Variants in KDELR2 observed in about 807,000 individuals in gnomAD.
KDELR2 encodes the protein KDEL endoplasmic reticulum protein retention receptor 2.
KDELR2 carries 15 observed loss-of-function variants against 23.9 expected under a neutral mutation model. The observed-to-expected ratio is 0.63, with a 90% CI of 0.42 to 0.97. The LOEUF (loss-of-function observed/expected upper bound fraction) is 0.97, where lower values mean the gene tolerates loss of function less well. Ranked by LOEUF, KDELR2 falls within the 50% of genes least tolerant of loss-of-function variation. The probability of loss-of-function intolerance (pLI) is 0.00; values close to 1 mark genes in which losing one functional copy is unlikely to be tolerated. For synonymous variants in KDELR2, 119 were observed against 106.2 expected (o/e 1.12, Z -0.74); for missense variants, 272 against 254.6 (o/e 1.07, Z -0.46).
chr7:6,483,017 A>T (rs989780723), intron 1 of KDELR2, among the ~76,000 whole-genome samples: 2 of 151,922 alleles, frequency 1.3e-5, no homozygotes, highest in African/African-American at 2.4e-5. Context: ...AAAAAAAAAA[A>T]ATAAGTTAAA....
chr7:6,479,981 C>T (rs1034800706), intron 1 of KDELR2, among the ~76,000 whole-genome samples: 1 of 152,162 alleles, frequency 6.6e-6, no homozygotes, highest in African/African-American at 2.4e-5. Context: ...CTATATTACT[C>T]CAAAAATATC....
In KDELR2 at chr7:6,462,783, G is replaced by A. The variant is rs537797500; in HGVS notation, c.*358C>T. On this transcript the variant is annotated 3_prime_UTR_variant, in exon 5 of 5. Transcript: ENST00000258739. ...AGTACAATTTCATTGCAGACACAAA[G>A]ACTTAAGAGTTTCAAAGAATTTTTT... The A allele has an allele frequency of 2.7e-4, 143 of 522,468 alleles. 1 individual carries two copies. The Middle Eastern group carries it at 3.1e-3, about 11-fold the overall frequency. The allele number at this position is 522,468 out of a possible 1,614,324, so 32.4% of individuals were successfully genotyped here.
intron 1 of KDELR2, among the ~76,000 whole-genome samples, chr7:6,476,310 T>TCTG (rs3037428): frequency 0.89 from 134,733 of 151,874 alleles, 60,210 homozygotes; most frequent in Non-Finnish European, 0.92. Flanking sequence ...GTGAATCTGC[T>TCTG]CTTAGTCTTT....
chr7:6,474,228 C>A lies in KDELR2; in HGVS notation c.148G>T (p.Asp50Tyr). The change falls in exon 2 of 5, where the codon GAT (aspartate) becomes TAT (tyrosine). Residue 50 changes from aspartate to tyrosine, a missense_variant. By Grantham distance (160) the Asp-to-Tyr change is radical. Coordinates refer to ENST00000258739, the MANE Select transcript of KDELR2 (RefSeq NM_006854.4). ...AATGAAATAAATGAAGTAAAAAGAT[C>A]CAGGTAACGAGTTGTGAAGACCAGT... ...FALVFTTRYL[D>Y]LFTSFISLYN... 1 of 1,613,720 alleles carries A rather than the reference C, an allele frequency of 6.2e-7. No homozygotes were observed. Among genetic ancestry groups the A allele is most frequent in the Non-Finnish European group, 8.5e-7 (1 of 1,179,690 alleles).
Position 6,462,447 on chromosome 7 carries a change from A to G in KDELR2, c.*694T>C, listed in dbSNP as rs1785408835. 6.4e-6 allele frequency: 1 copy of G among 155,720 alleles called. No individual in the cohort carries two copies. Among genetic ancestry groups the G allele is most frequent in the Non-Finnish European group, 1.4e-5 (1 of 70,544 alleles). The allele number at this position is 155,720 out of a possible 1,614,324, so 9.6% of individuals were successfully genotyped here. A position where few individuals can be genotyped will look rare whatever the true frequency, so the allele number is the denominator to read the frequency against. ...ACCCTTGGGACAGTCTCCAACTGACACTTCCCAGCAGGGGAGGAGGGCAGG... is the reference window on the plus strand; with the variant it reads ...ACCCTTGGGACAGTCTCCAACTGACGCTTCCCAGCAGGGGAGGAGGGCAGG... On this transcript the variant is annotated 3_prime_UTR_variant, in exon 5 of 5. Coordinates refer to ENST00000258739, the MANE Select transcript of KDELR2 (RefSeq NM_006854.4).
rs529199146 is a variant in KDELR2, at chr7:6,463,692, A to C, written c.605-517T>G. On this transcript the variant is annotated intron_variant, in intron 4 of 4. Coordinates refer to ENST00000258739, the MANE Select transcript of KDELR2 (RefSeq NM_006854.4). ...GAGTTTGGGACTGCAGTGAGGAAGG[A>C]TCACACCACTGCATTCTTGCAGCCT... Among the ~76,000 whole-genome samples the C allele has an allele frequency of 5.3e-5, 8 of 151,866 alleles. No individual in the cohort carries two copies. In the South Asian group the frequency reaches 1.7e-3, roughly 32 times the overall value.
intron 3 of KDELR2, among the ~76,000 whole-genome samples, chr7:6,469,185 C>G (rs1785571018): frequency 6.6e-6 from 1 of 151,068 alleles, no homozygotes; most frequent in South Asian, 2.1e-4. Flanking sequence ...ATCTCCTGAC[C>G]TCGTGATGTG....
At chr7:6,469,155 T>G (rs1785569472) in intron 3 of KDELR2, among the ~76,000 whole-genome samples, 1 of 151,088 alleles carries the variant, frequency 6.6e-6, no homozygotes, top group Non-Finnish European at 1.5e-5. Flanking sequence ...GGTTTCACCA[T>G]GTTAGCCAGT....
intron 1 of KDELR2, among the ~76,000 whole-genome samples, chr7:6,478,482 C>T (rs866538675): frequency 4.6e-5 from 7 of 152,120 alleles, no homozygotes; most frequent in South Asian, 2.1e-4. Context: ...GACTAAGCAT[C>T]CTTTCATGCT....
intron 1 of KDELR2, among the ~76,000 whole-genome samples, chr7:6,477,222 G>A (rs1785772222): frequency 6.6e-6 from 1 of 150,570 alleles, no homozygotes; most frequent in South Asian, 2.1e-4. Context: ...CGTCCACGCA[G>A]GACAGCCTTG....
chr7:6,464,910 A>G (rs1209898297), intron 4 of KDELR2, among the ~76,000 whole-genome samples: 4 of 151,452 alleles, frequency 2.6e-5, no homozygotes, highest in African/African-American at 4.8e-5. Context: ...CTAATTTTGT[A>G]TTTTTAGTAG....
chr7:6,478,601 G>A (rs532331038), intron 1 of KDELR2, among the ~76,000 whole-genome samples: 1 of 151,864 alleles, frequency 6.6e-6, no homozygotes, highest in Non-Finnish European at 1.5e-5. Flanking sequence ...TTGTCACTTA[G>A]GTATATTACA....
At chr7:6,483,362 AGGGCTTG>A (rs3833678) in intron 1 of KDELR2, among the ~76,000 whole-genome samples, 71,860 of 151,678 alleles carry the variant, frequency 0.47, 18,968 homozygotes, top group Middle Eastern at 0.61. Flanking sequence ...CCTGGACCCA[AGGGCTTG>A]GGTGATGCCC....
At chr7:6,481,653 G>A (rs1415685732) in intron 1 of KDELR2, among the ~76,000 whole-genome samples, 3 of 152,160 alleles carry the variant, frequency 2.0e-5, no homozygotes, top group Non-Finnish European at 4.4e-5. Flanking sequence ...CCAGGAGTTT[G>A]GGGCTGTAGT....
intron 1 of KDELR2, among the ~76,000 whole-genome samples, chr7:6,483,345 G>A (rs1390976334): frequency 7.8e-6 from 1 of 128,192 alleles, no homozygotes; most frequent in Non-Finnish European, 1.9e-5. Context: ...CTCCCCAGCG[G>A]TGTGATCCTG....
intron 1 of KDELR2, among the ~76,000 whole-genome samples, chr7:6,479,911 C>G (rs1010216464): frequency 6.6e-6 from 1 of 152,250 alleles, no homozygotes; most frequent in Non-Finnish European, 1.5e-5. Context: ...GGCCAAACAG[C>G]TACAGAGGGA....
intron 1 of KDELR2, among the ~76,000 whole-genome samples, chr7:6,481,924 C>G (rs1785902096): frequency 6.6e-6 from 1 of 152,118 alleles, no homozygotes; most frequent in Non-Finnish European, 1.5e-5. Flanking sequence ...AGACTCAGAT[C>G]CCACCTCCAC....
intron 1 of KDELR2, among the ~76,000 whole-genome samples, chr7:6,482,032 C>T (rs1211303507): frequency 2.7e-5 from 4 of 150,424 alleles, no homozygotes; most frequent in Admixed American, 1.3e-4. Context: ...GAGACGGTTT[C>T]GCTCTCGTTG....
intron 1 of KDELR2, among the ~76,000 whole-genome samples, chr7:6,477,325 C>T (rs575263174): frequency 1.3e-5 from 2 of 152,284 alleles, no homozygotes; most frequent in Non-Finnish European, 1.5e-5. Flanking sequence ...TTTAAAACAA[C>T]AAAACTGTCC....
Sources: gnomAD v4.1 joint callset for allele counts (sites outside exome capture counted in the v4.1 genomes callset) on GRCh38, gnomAD v4.1.1 for gene constraint, MANE v1.5 for transcripts, NCBI Gene and HGNC (gene_info 2026-07-23, HGNC 2026-07-21) for gene names.